Variants in BTRC observed in about 807,000 individuals in gnomAD.
The protein encoded by BTRC is F-box/WD repeat-containing protein 1A.
A neutral mutation model predicts 85.5 loss-of-function variants in BTRC; 42 were observed. The ratio of observed to expected loss-of-function variants is 0.49; its 90% CI spans 0.38 to 0.64. The LOEUF is 0.64. Among genes scored for constraint, BTRC ranks in the 30% least tolerant of loss-of-function variants. BTRC has a pLI of 0.00. For missense variants in BTRC, 594 were observed against 743.5 expected, an observed-to-expected ratio of 0.80 and a Z score of 2.34; for synonymous variants, 255 against 263.3, an observed-to-expected ratio of 0.97 and a Z score of 0.30.
At chr10:101,522,367 C>CAA (rs1163028567) in intron 5 of BTRC, among the ~76,000 whole-genome samples, 2 of 21,414 alleles carry the variant, frequency 9.3e-5, no homozygotes, top group Non-Finnish European at 1.4e-4. Context: ...AAAAAAAAAA[C>CAA]AAAAAAAAAC....
intron 2 of BTRC, among the ~76,000 whole-genome samples, chr10:101,443,853 C>T (rs1216041529): frequency 6.6e-6 from 1 of 152,152 alleles, no homozygotes; most frequent in Non-Finnish European, 1.5e-5. Context: ...CACAACTAGC[C>T]ACAACTCCGA....
At chr10:101,550,164 G>A (rs1053028294) in intron 13 of BTRC, among the ~76,000 whole-genome samples, 5 of 152,144 alleles carry the variant, frequency 3.3e-5, no homozygotes, top group Admixed American at 1.3e-4. Context: ...ACTATTAATA[G>A]CATGCTATTT....
At chr10:101,443,889 T>A (rs1186515590) in intron 2 of BTRC, among the ~76,000 whole-genome samples, 2 of 152,234 alleles carry the variant, frequency 1.3e-5, no homozygotes, top group African/African-American at 2.4e-5. Context: ...ACCTTTTATT[T>A]GCCAATTACT....
intron 3 of BTRC, among the ~76,000 whole-genome samples, chr10:101,475,025 T>C (rs979843887): frequency 2.6e-5 from 4 of 152,226 alleles, no homozygotes; most frequent in Admixed American, 1.3e-4. Context: ...GAATTTTATT[T>C]TAAAAATATT....
In BTRC at chr10:101,535,700, T is replaced by C. The variant is rs199647756; in HGVS notation, c.1466+228T>C. Among the ~76,000 whole-genome samples the C allele has an allele frequency of 5.3e-5, 8 of 152,360 alleles. No homozygotes were observed. The East Asian group carries it at 1.5e-3, about 29-fold the overall frequency. On this transcript the variant is annotated intron_variant, in intron 11 of 14. Transcript: ENST00000370187. ...CCTGTCTACCGTTGAAAAGTGCTAATAAACAGCTAACAGCCTTTTCTTTGC... is the reference window on the plus strand; with the variant it reads ...CCTGTCTACCGTTGAAAAGTGCTAACAAACAGCTAACAGCCTTTTCTTTGC...
chr10:101,390,172 A>G (rs1943199572), intron 1 of BTRC, among the ~76,000 whole-genome samples: 1 of 152,180 alleles, frequency 6.6e-6, no homozygotes, highest in African/African-American at 2.4e-5. Flanking sequence ...GGTAGACAAT[A>G]AATACTTGTG....
At chr10:101,472,549 C>T (rs1945560493) in intron 3 of BTRC, among the ~76,000 whole-genome samples, 1 of 152,046 alleles carries the variant, frequency 6.6e-6, no homozygotes, top group Non-Finnish European at 1.5e-5. Flanking sequence ...CGTGGTGGCT[C>T]ATGCCTATAA....
At chr10:101,366,792 T>TAATA (rs1364182611) in intron 1 of BTRC, among the ~76,000 whole-genome samples, 8 of 88,084 alleles carry the variant, frequency 9.1e-5, no homozygotes, top group Non-Finnish European at 6.3e-5. Context: ...ATATATATTT[T>TAATA]TACATTTATA....
In BTRC at chr10:101,556,314, A is replaced by G. The variant is rs2062723270; in HGVS notation, c.*3191A>G. ...TGGTCTGAACAGCTGTAGTTGGTCTACTCCTTACTTAGCACTTGATTGTGT... is the reference window on the plus strand; with the variant it reads ...TGGTCTGAACAGCTGTAGTTGGTCTGCTCCTTACTTAGCACTTGATTGTGT... On this transcript the variant is annotated 3_prime_UTR_variant, in exon 15 of 15. Transcript: ENST00000370187. The G allele has an allele frequency of 6.6e-6, 1 of 151,322 alleles. No individual in the cohort carries two copies. Among genetic ancestry groups the G allele is most frequent in the African/African-American group, 2.4e-5 (1 of 41,054 alleles). The allele number at this position is 151,322 out of a possible 1,614,324, so 9.4% of individuals were successfully genotyped here.
intron 14 of BTRC, among the ~76,000 whole-genome samples, chr10:101,551,847 A>C (rs1172201700): frequency 3.9e-5 from 6 of 152,168 alleles, no homozygotes; most frequent in African/African-American, 1.4e-4. Flanking sequence ...CAGACCCTGA[A>C]TCTCTTGATG....
At chr10:101,408,678 T>A (rs943380163) in intron 1 of BTRC, among the ~76,000 whole-genome samples, 1 of 152,252 alleles carries the variant, frequency 6.6e-6, no homozygotes, top group Non-Finnish European at 1.5e-5. Flanking sequence ...TATTCCATTT[T>A]ATGCCTTCTA....
intron 1 of BTRC, among the ~76,000 whole-genome samples, chr10:101,416,450 G>A (rs1478287372): frequency 6.6e-6 from 1 of 152,120 alleles, no homozygotes; most frequent in Non-Finnish European, 1.5e-5. Flanking sequence ...TCTTTTCACA[G>A]ACATATCCCT....
rs898696745 is a variant in BTRC, at chr10:101,513,634, A to G, written c.325-8005A>G. 2.6e-5 allele frequency among the ~76,000 whole-genome samples: 4 copies of G among 152,308 alleles called. No homozygotes were observed. In the South Asian group the frequency reaches 8.3e-4, roughly 32 times the overall value. Reference sequence around the variant, plus strand: ...TTTATTCTTTTTGTTGCTGAGTACTATTCCATTCTACAGCAGCATCACAGT... The same window carrying G: ...TTTATTCTTTTTGTTGCTGAGTACTGTTCCATTCTACAGCAGCATCACAGT... On this transcript the variant is annotated intron_variant, in intron 4 of 14. Coordinates refer to ENST00000370187, the MANE Select transcript of BTRC (RefSeq NM_033637.4).
chr10:101,442,296 A>ATGTGTG (rs139018865), intron 2 of BTRC, among the ~76,000 whole-genome samples: 28 of 142,098 alleles, frequency 2.0e-4, no homozygotes, highest in South Asian at 1.1e-3. Context: ...CTCTGTGTGT[A>ATGTGTG]TGTGTGTGTG....
chr10:101,379,325 T>C (rs1213741868), intron 1 of BTRC, among the ~76,000 whole-genome samples: 1 of 152,224 alleles, frequency 6.6e-6, no homozygotes, highest in Non-Finnish European at 1.5e-5. Flanking sequence ...TATGTGGTCA[T>C]GTTACAAAGG....
chr10:101,556,580 C>G lies in BTRC; in HGVS notation c.*3457C>G, dbSNP rs754478528. ...ACAGTTGTTCACCAACAGACCAGAC[C>G]TCCTTTAACCACAGTGTCAACATAG... On this transcript the variant is annotated 3_prime_UTR_variant, in exon 15 of 15. Transcript: ENST00000370187. The G allele has an allele frequency of 2.0e-5, 3 of 152,218 alleles. No homozygotes were observed. The highest frequency in any genetic ancestry group is 4.4e-5 in the Non-Finnish European group (3 of 68,046). The allele number at this position is 152,218 out of a possible 1,614,324, so 9.4% of individuals were successfully genotyped here. A position where few individuals can be genotyped will look rare whatever the true frequency, so the allele number is the denominator to read the frequency against.
chr10:101,430,356 C>T lies in BTRC; in HGVS notation c.60C>T (p.Pro20=), dbSNP rs1944369799. 6.2e-7 allele frequency: 1 copy of T among 1,613,780 alleles called. No individual in the cohort carries two copies. The stretch of plus-strand genomic sequence containing the variant: ...TCCTCTCTCTGCAGTGCTCTATGCC[C>T]AGGTCTCTGTGGCTGGGCTGCTCCA... ...EKALKFMCSM[P]RSLWLGCSSL... The change falls in exon 2 of 15, where the codon CCC becomes CCT. Residue 20 remains proline, a synonymous_variant. Coordinates refer to ENST00000370187, the MANE Select transcript of BTRC (RefSeq NM_033637.4).
rs1564795627 is a variant in BTRC, at chr10:101,475,940, TA to T, written c.235-3427del. Among the ~76,000 whole-genome samples, 7 of 128,046 alleles carry T rather than the reference TA, an allele frequency of 5.5e-5. 1 individual carries two copies. The highest frequency in any genetic ancestry group is 2.0e-4 in the African/African-American group (7 of 35,448). The allele number at this position is 128,046 out of a possible 152,430, so 84.0% of individuals were successfully genotyped here. On this transcript the variant is annotated intron_variant, in intron 3 of 14. Coordinates refer to ENST00000370187, the MANE Select transcript of BTRC (RefSeq NM_033637.4). ...ATTTTGCCATATATATATATATATA[TA>T]TATATATATATATTCAGTAATTCCT...
chr10:101,473,591 C>T (rs1475722040), intron 3 of BTRC, among the ~76,000 whole-genome samples: 1 of 151,432 alleles, frequency 6.6e-6, no homozygotes, highest in Non-Finnish European at 1.5e-5. Flanking sequence ...CTCCCTCTGC[C>T]TCCCAAGTAG....
Sources: allele counts gnomAD v4.1 joint callset (sites outside exome capture counted in the v4.1 genomes callset), GRCh38; gene constraint gnomAD v4.1.1; transcripts MANE v1.5; gene names NCBI Gene and HGNC (gene_info 2026-07-23, HGNC 2026-07-21).